Variants in MSR1 observed in about 807,000 individuals in gnomAD.
MSR1 encodes macrophage scavenger receptor 1.
MSR1 carries 53 observed loss-of-function variants against 47.2 expected under a neutral mutation model. The observed-to-expected ratio is 1.12, with a 90% CI of 0.90 to 1.41. The LOEUF (loss-of-function observed/expected upper bound fraction) is 1.41, where lower values mean the gene tolerates loss of function less well. Ranked by LOEUF, MSR1 falls within the 40% of genes most tolerant of loss-of-function variation. MSR1 has a pLI of 0.00. For missense variants in MSR1, 786 were observed against 546.9 expected (o/e 1.44, Z -4.36); for synonymous variants, 239 against 185.6 (o/e 1.29, Z -2.34).
At chr8:16,148,567 C>T (rs1254759879) in intron 7 of MSR1, among the ~76,000 whole-genome samples, 1 of 151,934 alleles carries the variant, frequency 6.6e-6, no homozygotes, top group Non-Finnish European at 1.5e-5. Flanking sequence ...AGTGATCCTC[C>T]CACCTCAGCC....
At chr8:16,163,790 A>G (rs1801226485) in intron 5 of MSR1, among the ~76,000 whole-genome samples, 1 of 151,836 alleles carries the variant, frequency 6.6e-6, no homozygotes, top group Non-Finnish European at 1.5e-5. Context: ...AAAAACTTGT[A>G]TTCAGTACTT....
rs942572111 is a variant in MSR1, at chr8:16,108,277, G to C, written c.*1808C>G. On this transcript the variant is annotated 3_prime_UTR_variant, in exon 10 of 10. Coordinates refer to ENST00000262101, the MANE Select transcript of MSR1 (RefSeq NM_138715.3). The stretch of plus-strand genomic sequence containing the variant: ...TTATTTTAAAATAAAAATAGTAATA[G>C]TAATAGTACTATTATTAGTGTTAAT... 3 of 150,384 alleles carry C rather than the reference G, an allele frequency of 2.0e-5. No individual in the cohort carries two copies. The highest frequency in any genetic ancestry group is 4.4e-5 in the Non-Finnish European group (3 of 67,656). The allele number at this position is 150,384 out of a possible 1,614,324, so 9.3% of individuals were successfully genotyped here. A position where few individuals can be genotyped will look rare whatever the true frequency, so the allele number is the denominator to read the frequency against.
At chr8:16,157,480 C>T (rs1433951261) in intron 5 of MSR1, among the ~76,000 whole-genome samples, 1 of 151,844 alleles carries the variant, frequency 6.6e-6, no homozygotes, top group East Asian at 1.9e-4. Context: ...TGTTAGAGTT[C>T]TAACTAGGCA....
chr8:16,115,368 G>A (rs1799854419), intron 9 of MSR1, among the ~76,000 whole-genome samples: 1 of 151,802 alleles, frequency 6.6e-6, no homozygotes, highest in African/African-American at 2.4e-5. Flanking sequence ...ATTTAAAATT[G>A]CTTTTTCTTT....
chr8:16,131,441 G>GTTTTTTTTTTTTTGTTTTTTTTTTTTTT (rs1800254491), intron 8 of MSR1, among the ~76,000 whole-genome samples: 9 of 54,660 alleles, frequency 1.6e-4, no homozygotes, highest in African/African-American at 7.3e-4. Context: ...TCTGTTGATA[G>GTTTTTTTTTTTTTGTTTTTTTTTTTTTT]TTTTTTTTTT....
chr8:16,170,367 A>C (rs116614150), intron 3 of MSR1, among the ~76,000 whole-genome samples: 1,613 of 151,844 alleles, frequency 0.011, 30 homozygotes, highest in African/African-American at 0.036. Flanking sequence ...AAAACAAAAC[A>C]TGAATAATTA....
At chr8:16,137,550 G>C (rs537759256) in intron 8 of MSR1, among the ~76,000 whole-genome samples, 1 of 152,182 alleles carries the variant, frequency 6.6e-6, no homozygotes, top group East Asian at 1.9e-4. Flanking sequence ...ATATTGAATG[G>C]AGTCATAAGG....
intron 5 of MSR1, among the ~76,000 whole-genome samples, chr8:16,156,850 A>T (rs556397795): frequency 6.6e-6 from 1 of 152,078 alleles, no homozygotes; most frequent in African/African-American, 2.4e-5. Flanking sequence ...TTTCTGTATC[A>T]AAGGGAATCT....
At chr8:16,123,723 T>C (rs1800063799) in intron 8 of MSR1, among the ~76,000 whole-genome samples, 1 of 152,012 alleles carries the variant, frequency 6.6e-6, no homozygotes, top group Admixed American at 6.6e-5. Flanking sequence ...TTTTAATTGG[T>C]GAAAAAACAG....
chr8:16,177,256 G>C (rs1801676361), intron 2 of MSR1, among the ~76,000 whole-genome samples: 1 of 152,108 alleles, frequency 6.6e-6, no homozygotes, highest in South Asian at 2.1e-4. Flanking sequence ...AAGTTAAAAT[G>C]AAGTGATATT....
chr8:16,173,773 C>G (rs901444298), intron 3 of MSR1, among the ~76,000 whole-genome samples: 2 of 151,956 alleles, frequency 1.3e-5, no homozygotes, highest in African/African-American at 4.8e-5. Flanking sequence ...CTCAGCCTCC[C>G]GAGTAGCTGG....
At chr8:16,164,552 A>T (rs1801251529) in intron 4 of MSR1, among the ~76,000 whole-genome samples, 1 of 152,008 alleles carries the variant, frequency 6.6e-6, no homozygotes, top group Non-Finnish European at 1.5e-5. Flanking sequence ...CAATAAAATT[A>T]AATAAACACC....
chr8:16,136,375 G>C (rs569372618), intron 8 of MSR1, among the ~76,000 whole-genome samples: 1 of 152,080 alleles, frequency 6.6e-6, no homozygotes, highest in Non-Finnish European at 1.5e-5. Context: ...ATGATTGTTA[G>C]CATTTTTTAG....
At position 16,175,240 on chromosome 8, in the gene MSR1, G is replaced by A. The variant is rs1249865550; in HGVS notation, c.164C>T (p.Ala55Val). The part of the protein sequence containing the change: ...KLKSFKAALI[A>V]LYLLVFAVLI... ...AACTGCAAACACGAGGAGGTAAAGG[G>A]CAATCAGTGCAGCTTTGAAGGACTT... Residue 55 changes from alanine (A) to valine (V), a missense_variant, in exon 3 of 10, where the codon GCC becomes GTC. By Grantham distance (64) the Ala-to-Val change is moderately conservative (BLOSUM62 0). Coordinates refer to ENST00000262101, the MANE Select transcript of MSR1 (RefSeq NM_138715.3). 6.2e-7 allele frequency: 1 copy of A among 1,614,066 alleles called. No individual in the cohort carries two copies. Among genetic ancestry groups the A allele is most frequent in the East Asian group, 2.2e-5 (1 of 44,852 alleles).
intron 1 of MSR1, among the ~76,000 whole-genome samples, chr8:16,182,223 T>C (rs1219371862): frequency 6.6e-6 from 1 of 152,148 alleles, no homozygotes; most frequent in East Asian, 1.9e-4. Context: ...AAATATGGTA[T>C]AAAAGATACG....
intron 8 of MSR1, among the ~76,000 whole-genome samples, chr8:16,129,754 G>A (rs1365701140): frequency 1.1e-4 from 13 of 119,582 alleles, no homozygotes; most frequent in Non-Finnish European, 2.3e-4. Context: ...CCCTCAACAC[G>A]CCCTAAAAAA....
In MSR1 at chr8:16,116,730, A is replaced by T. The variant is rs780120184; in HGVS notation, c.1222+3688T>A. On this transcript the variant is annotated intron_variant, in intron 9 of 9. Coordinates refer to ENST00000262101, the MANE Select transcript of MSR1 (RefSeq NM_138715.3). ...AAAGTTTTGAGGAAAATACTATTTT[A>T]CTCATGAGACTAAGCCTTAAAGTTA... Among the ~76,000 whole-genome samples, 15 of 152,178 alleles carry T rather than the reference A, an allele frequency of 9.9e-5. 1 individual carries two copies. The highest frequency in any genetic ancestry group is 1.8e-4 in the Non-Finnish European group (12 of 68,020).
At chr8:16,183,215 A>G (rs1801887107) in intron 1 of MSR1, among the ~76,000 whole-genome samples, 1 of 152,070 alleles carries the variant, frequency 6.6e-6, no homozygotes, top group Non-Finnish European at 1.5e-5. Context: ...CATTTGAGAT[A>G]TTCTGCCTCC....
intron 3 of MSR1, among the ~76,000 whole-genome samples, chr8:16,170,638 A>G (rs1801457007): frequency 6.6e-6 from 1 of 152,178 alleles, no homozygotes; most frequent in South Asian, 2.1e-4. Flanking sequence ...TGATATGGTG[A>G]TAGTACCATT....
Sources: gnomAD v4.1 joint callset for allele counts (sites outside exome capture counted in the v4.1 genomes callset) on GRCh38, gnomAD v4.1.1 for gene constraint, MANE v1.5 for transcripts, NCBI Gene and HGNC (gene_info 2026-07-23, HGNC 2026-07-21) for gene names.